The following PTPRJ variants were observed in gnomAD, a reference collection of about 807,000 sequenced individuals.
PTPRJ encodes the protein protein tyrosine phosphatase receptor type J.
Under a neutral mutation model 141.3 loss-of-function variants are expected in PTPRJ, and 129 were observed. The ratio of observed to expected loss-of-function variants is 0.91; its 90% confidence interval spans 0.79 to 1.06. The LOEUF (loss-of-function observed/expected upper bound fraction) is 1.06. PTPRJ is among the 50% of genes least tolerant of loss of function. The pLI, the probability that PTPRJ is intolerant of heterozygous loss-of-function variation, is 0.00. For missense variants in PTPRJ, 1,601 were observed against 1,679.7 expected, an observed-to-expected ratio of 0.95 and a Z score of 0.82; for synonymous variants, 610 against 640.5, an observed-to-expected ratio of 0.95 and a Z score of 0.72.
At chr11:47,981,543 T>TG (rs1028004588) in intron 1 of PTPRJ, among the ~76,000 whole-genome samples, 1 of 152,170 alleles carries the variant, frequency 6.6e-6, no homozygotes, top group Non-Finnish European at 1.5e-5. Context: ...GCCCTGTTCC[T>TG]GGGGAAAGTT....
intron 1 of PTPRJ, among the ~76,000 whole-genome samples, chr11:48,021,774 T>G (rs1382176790): frequency 6.6e-6 from 1 of 152,082 alleles, no homozygotes; most frequent in Admixed American, 6.6e-5. Flanking sequence ...CTGTGGGTTT[T>G]GTTTTGTTTT....
rs748437608 is a variant in PTPRJ at position 48,144,864 on chromosome 11, T to C, written c.2765T>C (p.Leu922Pro). ...STTLGYYNGK[L>P]EPLGSYRACV... ...ACACTTGGTTATTACAATGGGAAGCTGGAACCTCTGGGCTCCTACCGGTAA... is the reference window on the plus strand; with the variant it reads ...ACACTTGGTTATTACAATGGGAAGCCGGAACCTCTGGGCTCCTACCGGTAA... Residue 922 changes from leucine (L) to proline (P), a missense_variant, in exon 13 of 25, where the codon CTG becomes CCG. Leu to Pro is a moderately conservative substitution (Grantham distance 98). Coordinates refer to ENST00000418331, the MANE Select transcript of PTPRJ (RefSeq NM_002843.4). The C allele has an allele frequency of 3.1e-6, 5 of 1,614,106 alleles. No homozygotes were observed. The highest frequency in any genetic ancestry group is 8.5e-7 in the Non-Finnish European group (1 of 1,180,028).
chr11:48,067,799 G>A (rs1404555787), intron 1 of PTPRJ, among the ~76,000 whole-genome samples: 1 of 152,178 alleles, frequency 6.6e-6, no homozygotes, highest in East Asian at 1.9e-4. Flanking sequence ...GAAGGAATAG[G>A]AGAGGCCTGC....
At chr11:48,046,912 AT>A (rs1217187387) in intron 1 of PTPRJ, among the ~76,000 whole-genome samples, 6,602 of 72,566 alleles carry the variant, frequency 0.091, 218 homozygotes, top group East Asian at 0.11. Flanking sequence ...ATATATATAT[AT>A]TTTTTTTTTT....
At chr11:48,014,291 A>C (rs1854895230) in intron 1 of PTPRJ, 1 of 152,208 alleles carries the variant, frequency 6.6e-6, no homozygotes, top group African/African-American at 2.4e-5. Flanking sequence ...CCTGAACAAA[A>C]TCAAACAGAT....
intron 15 of PTPRJ, 22 bp from the exon 16 acceptor site, chr11:48,149,425 G>A (rs1224203481): frequency 6.8e-7 from 1 of 1,472,514 alleles, no homozygotes; most frequent in Admixed American, 1.9e-5. Context: ...TTGTCTAATG[G>A]GTCTCTTTTC....
intron 3 of PTPRJ, among the ~76,000 whole-genome samples, chr11:48,114,859 T>C (rs1339225519): frequency 1.3e-5 from 2 of 152,170 alleles, no homozygotes; most frequent in East Asian, 3.8e-4. Flanking sequence ...GATTGAGATA[T>C]TTAACAGAGA....
chr11:48,115,161 T>C (rs1255033709), intron 3 of PTPRJ, among the ~76,000 whole-genome samples: 1 of 152,016 alleles, frequency 6.6e-6, no homozygotes, highest in Non-Finnish European at 1.5e-5. Context: ...AGCAGAAAAC[T>C]CTCCAAACCT....
chr11:48,008,174 G>A (rs1349832967), intron 1 of PTPRJ, among the ~76,000 whole-genome samples: 1 of 152,246 alleles, frequency 6.6e-6, no homozygotes, highest in East Asian at 1.9e-4. Context: ...TCTGGAATCT[G>A]TTTTGAGGGG....
At chr11:48,044,829 C>T (rs1403017165) in intron 1 of PTPRJ, 1 of 152,246 alleles carries the variant, frequency 6.6e-6, no homozygotes, top group Non-Finnish European at 1.5e-5. Flanking sequence ...TGGCCTTGTT[C>T]ACTGCTGTGT....
chr11:48,082,844 T>C (rs1244341692), intron 1 of PTPRJ, among the ~76,000 whole-genome samples: 2 of 152,116 alleles, frequency 1.3e-5, no homozygotes, highest in Non-Finnish European at 2.9e-5. Flanking sequence ...TCCTCATGTG[T>C]AAAATAGGTG....
intron 14 of PTPRJ, among the ~76,000 whole-genome samples, chr11:48,145,563 T>TG (rs201581643): frequency 0.016 from 2,322 of 147,052 alleles, 79 homozygotes; most frequent in African/African-American, 0.055. Flanking sequence ...TTTATGTTTT[T>TG]TTTTTTTTTT....
intron 1 of PTPRJ, among the ~76,000 whole-genome samples, chr11:48,047,007 C>T (rs184920922): frequency 4.6e-4 from 68 of 147,594 alleles, no homozygotes; most frequent in African/African-American, 1.6e-3. Context: ...CCTCTGCCTC[C>T]TGGGTTTAAG....
At chr11:47,996,624 T>G (rs1033351973) in intron 1 of PTPRJ, among the ~76,000 whole-genome samples, 1 of 152,220 alleles carries the variant, frequency 6.6e-6, no homozygotes, top group Admixed American at 6.5e-5. Context: ...GCACATTTGC[T>G]CCCACCTCAG....
At chr11:47,997,842 G>A (rs1447273292) in intron 1 of PTPRJ, among the ~76,000 whole-genome samples, 1 of 144,350 alleles carries the variant, frequency 6.9e-6, no homozygotes, top group East Asian at 2.0e-4. Flanking sequence ...AGCTTTTAGA[G>A]TGTTTAGAGG....
intron 1 of PTPRJ, among the ~76,000 whole-genome samples, chr11:48,089,524 A>AC (rs940879544): frequency 6.6e-6 from 1 of 151,860 alleles, no homozygotes; most frequent in African/African-American, 2.4e-5. Context: ...TCAAAAAAAA[A>AC]AAAAAAAACA....
chr11:48,108,687 T>A (rs983597017), intron 1 of PTPRJ, among the ~76,000 whole-genome samples: 32 of 152,342 alleles, frequency 2.1e-4, no homozygotes, highest in South Asian at 1.9e-3. Flanking sequence ...GCCTCTCTCC[T>A]ATGATCCATC....
At chr11:48,136,653 C>T (rs572689761) in intron 9 of PTPRJ, among the ~76,000 whole-genome samples, 19 of 151,914 alleles carry the variant, frequency 1.3e-4, no homozygotes, top group African/African-American at 4.1e-4. Flanking sequence ...AGGTGTTTTG[C>T]GAATATTTGA....
At chr11:48,056,904 A>C (rs1016048083) in intron 1 of PTPRJ, among the ~76,000 whole-genome samples, 2 of 152,254 alleles carry the variant, frequency 1.3e-5, no homozygotes, top group Non-Finnish European at 2.9e-5. Context: ...CAGTGAGCCG[A>C]GATTGTGCTA....
Sources: allele counts gnomAD v4.1 joint callset (sites outside exome capture counted in the v4.1 genomes callset), GRCh38; gene constraint gnomAD v4.1.1; transcripts MANE v1.5; gene names NCBI Gene and HGNC (gene_info 2026-07-23, HGNC 2026-07-21).